FOXP1: variants seen among roughly 807,000 people sequenced by gnomAD.
The protein encoded by FOXP1 is forkhead box protein P1.
In FOXP1, 15 loss-of-function variants were observed where a neutral mutation model predicts 98.2. That is an observed-to-expected ratio of 0.15 (90% CI 0.10 to 0.24). The LOEUF (loss-of-function observed/expected upper bound fraction) is 0.24, where lower values mean the gene tolerates loss of function less well. Ranked by LOEUF, FOXP1 falls within the 10% of genes least tolerant of loss-of-function variation. The pLI is 1.00. For synonymous variants in FOXP1, 371 were observed against 314.5 expected, an observed-to-expected ratio of 1.18 and a Z score of -1.90; for missense variants, 633 against 848.5, an observed-to-expected ratio of 0.75 and a Z score of 3.15.
At chr3:71,408,727 G>A (rs758451891) in intron 3 of FOXP1, among the ~76,000 whole-genome samples, 1 of 152,144 alleles carries the variant, frequency 6.6e-6, no homozygotes, top group Non-Finnish European at 1.5e-5. Context: ...TGCTCTAAAT[G>A]GGTAAGTAGA....
intron 4 of FOXP1, among the ~76,000 whole-genome samples, chr3:71,339,384 C>T (rs983205812): frequency 3.3e-5 from 5 of 152,230 alleles, no homozygotes; most frequent in Non-Finnish European, 7.3e-5. Context: ...AACCTGTCCT[C>T]TAAGGTACAT....
At chr3:71,169,816 AT>A (rs1392411225) in intron 6 of FOXP1, among the ~76,000 whole-genome samples, 35 of 151,918 alleles carry the variant, frequency 2.3e-4, no homozygotes, top group African/African-American at 8.4e-4. Flanking sequence ...TTGCTCAGAT[AT>A]GTAATTCAAA....
In FOXP1 at chr3:71,419,799, C is replaced by A. The variant is rs529666884; in HGVS notation, c.-167-60555G>T. ...TATGCACACACACACATTTTAGGAG[C>A]TAGGTATTTTTTTTTATTATTATTA... On this transcript the variant is annotated intron_variant, in intron 3 of 20. Transcript: ENST00000649528. Among the ~76,000 whole-genome samples, 4 of 151,836 alleles carry A rather than the reference C, an allele frequency of 2.6e-5. No homozygotes were observed. In the South Asian group the frequency reaches 8.3e-4, roughly 32 times the overall value.
intron 6 of FOXP1, among the ~76,000 whole-genome samples, chr3:71,184,872 G>T (rs1196763103): frequency 6.6e-6 from 1 of 151,728 alleles, no homozygotes. Context: ...ACAAAGGAGG[G>T]GCCATAAACC....
intron 2 of FOXP1, among the ~76,000 whole-genome samples, chr3:71,498,214 C>G (rs1412392909): frequency 1.3e-5 from 2 of 152,100 alleles, no homozygotes; most frequent in East Asian, 3.9e-4. Context: ...CAAAACAGCT[C>G]CAGAAAAACA....
At chr3:71,518,984 G>A (rs946815572) in intron 2 of FOXP1, among the ~76,000 whole-genome samples, 4 of 152,202 alleles carry the variant, frequency 2.6e-5, no homozygotes, top group African/African-American at 2.4e-5. Context: ...GGTGGCTCAC[G>A]CCTGTAATCC....
chr3:71,547,372 G>C (rs943925921), intron 2 of FOXP1, among the ~76,000 whole-genome samples: 4 of 152,232 alleles, frequency 2.6e-5, no homozygotes, highest in Non-Finnish European at 4.4e-5. Flanking sequence ...TTTGAGGAAA[G>C]GAGGGCTTGG....
chr3:71,574,871 CCTCTGTTT>C (rs2047609786), intron 2 of FOXP1, among the ~76,000 whole-genome samples: 2 of 152,184 alleles, frequency 1.3e-5, no homozygotes, highest in South Asian at 4.1e-4. Context: ...TCTTGTTCTG[CCTCTGTTT>C]CTCTAAGTCT....
In FOXP1 at chr3:71,295,246, T is replaced by A. The variant is rs918900184; in HGVS notation, c.-12+4574A>T. Among the ~76,000 whole-genome samples the A allele has an allele frequency of 7.9e-5, 12 of 152,334 alleles. No individual in the cohort carries two copies. In the South Asian group the frequency reaches 1.4e-3, roughly 18 times the overall value. On this transcript the variant is annotated intron_variant, in intron 5 of 20. Coordinates refer to ENST00000649528, the MANE Select transcript of FOXP1 (RefSeq NM_001349338.3). ...TTAATTAATGGTCACATAATTCAAA[T>A]GCTAAATACTCTAAAAAGGTAGTTT...
intron 3 of FOXP1, among the ~76,000 whole-genome samples, chr3:71,365,630 A>G (rs752369573): frequency 1.3e-5 from 2 of 152,184 alleles, no homozygotes; most frequent in Admixed American, 6.6e-5. Flanking sequence ...ACATCCACTA[A>G]AAGTTTCAAA....
At chr3:71,446,201 T>C (rs1366235617) in intron 3 of FOXP1, among the ~76,000 whole-genome samples, 1 of 152,170 alleles carries the variant, frequency 6.6e-6, no homozygotes, top group Non-Finnish European at 1.5e-5. Context: ...TTGCTAAGAC[T>C]GGCTTCCATA....
intron 2 of FOXP1, among the ~76,000 whole-genome samples, chr3:71,508,320 G>A (rs745461714): frequency 6.6e-6 from 1 of 152,150 alleles, no homozygotes. Context: ...GAAATTTGGG[G>A]GACAAAGTAT....
intron 4 of FOXP1, among the ~76,000 whole-genome samples, chr3:71,311,192 G>A (rs903859960): frequency 2.0e-5 from 3 of 152,098 alleles, no homozygotes; most frequent in Non-Finnish European, 2.9e-5. Context: ...AGACTCAAGC[G>A]GTTCTCCCAC....
intron 3 of FOXP1, among the ~76,000 whole-genome samples, chr3:71,369,635 C>T (rs765107586): frequency 4.6e-5 from 7 of 152,190 alleles, no homozygotes; most frequent in African/African-American, 1.7e-4. Flanking sequence ...CCTCGTGATC[C>T]GCCCGCCTCA....
chr3:71,064,214 G>T (rs72947415), intron 7 of FOXP1, among the ~76,000 whole-genome samples: 4,751 of 152,272 alleles, frequency 0.031, 267 homozygotes, highest in African/African-American at 0.11. Context: ...TACTGTGTGT[G>T]AACTCGTCGA....
At chr3:71,043,717 A>G (rs1026639135) in intron 10 of FOXP1, among the ~76,000 whole-genome samples, 3 of 152,234 alleles carry the variant, frequency 2.0e-5, no homozygotes, top group African/African-American at 7.2e-5. Context: ...GGAGGTGGGA[A>G]GACTAGGACA....
intron 7 of FOXP1, among the ~76,000 whole-genome samples, chr3:71,107,391 A>G (rs1203909204): frequency 6.6e-6 from 1 of 152,164 alleles, no homozygotes; most frequent in African/African-American, 2.4e-5. Context: ...CACTGTTTCT[A>G]TCATATTTGT....
At chr3:71,287,535 T>C (rs1286220191) in intron 5 of FOXP1, among the ~76,000 whole-genome samples, 1 of 151,966 alleles carries the variant, frequency 6.6e-6, no homozygotes, top group Non-Finnish European at 1.5e-5. Context: ...ATCCCAGCTC[T>C]TTGGGAGGCT....
intron 5 of FOXP1, among the ~76,000 whole-genome samples, chr3:71,206,080 A>G (rs987434111): frequency 6.6e-6 from 1 of 152,236 alleles, no homozygotes; most frequent in African/African-American, 2.4e-5. Context: ...AAATAAATAC[A>G]TCTTTTATCT....
Sources: gnomAD v4.1 joint callset for allele counts (sites outside exome capture counted in the v4.1 genomes callset) on GRCh38, gnomAD v4.1.1 for gene constraint, MANE v1.5 for transcripts, NCBI Gene and HGNC (gene_info 2026-07-23, HGNC 2026-07-21) for gene names.